FAM193A: variants seen among roughly 807,000 people sequenced by gnomAD.
FAM193A encodes family with sequence similarity 193 member A.
Under a neutral mutation model 126.5 loss-of-function variants are expected in FAM193A, and 22 were observed. The ratio of observed to expected loss-of-function variants is 0.17; its 90% confidence interval spans 0.12 to 0.25. The LOEUF (loss-of-function observed/expected upper bound fraction) is 0.25, where lower values mean the gene tolerates loss of function less well. FAM193A is among the 10% of genes least tolerant of loss of function. FAM193A has a pLI of 1.00. For missense variants in FAM193A, 1,675 were observed against 1,672.8 expected (o/e 1.00, Z -0.02); for synonymous variants, 761 against 646.8 (o/e 1.18, Z -2.68).
chr4:2,621,400 C>T (rs1209629175), intron 2 of FAM193A, among the ~76,000 whole-genome samples: 1 of 152,182 alleles, frequency 6.6e-6, no homozygotes, highest in Non-Finnish European at 1.5e-5. Flanking sequence ...ATTCTACAGT[C>T]TACCAGAAGC....
intron 19 of FAM193A, among the ~76,000 whole-genome samples, chr4:2,711,943 T>C (rs929154422): frequency 1.3e-5 from 2 of 152,092 alleles, no homozygotes; most frequent in Non-Finnish European, 2.9e-5. Context: ...AAAGAAATTA[T>C]GTAATTTCCA....
chr4:2,690,371 A>G (rs562358184), intron 14 of FAM193A, among the ~76,000 whole-genome samples: 1 of 152,302 alleles, frequency 6.6e-6, no homozygotes, highest in South Asian at 2.1e-4. Flanking sequence ...AAGGATTTCT[A>G]GCTGTGTGAC....
At chr4:2,679,702 T>TAA in intron 13 of FAM193A, among the ~76,000 whole-genome samples, 1 of 152,028 alleles carries the variant, frequency 6.6e-6, no homozygotes, top group Non-Finnish European at 1.5e-5. Flanking sequence ...ACAGTGTCTT[T>TAA]GGCTTTGGTA....
At chr4:2,585,057 A>AGT (rs1740160510) in intron 1 of FAM193A, among the ~76,000 whole-genome samples, 1 of 152,210 alleles carries the variant, frequency 6.6e-6, no homozygotes, top group Non-Finnish European at 1.5e-5. Context: ...CAATATTTGA[A>AGT]AGATTTATTT....
intron 1 of FAM193A, among the ~76,000 whole-genome samples, chr4:2,576,871 A>C (rs1466866719): frequency 6.6e-6 from 1 of 152,208 alleles, no homozygotes; most frequent in Non-Finnish European, 1.5e-5. Flanking sequence ...TTTGGGCTTA[A>C]GGGGCTCATG....
At chr4:2,535,886 G>C (rs76964113), upstream of FAM193A, among the ~76,000 whole-genome samples, 28,779 of 152,088 alleles carry the variant, frequency 0.19, 3,589 homozygotes, top group Middle Eastern at 0.3. Flanking sequence ...GCGTGTCCCA[G>C]CCCCAGGCCC....
At chr4:2,710,169 T>G (rs1232159061) in intron 19 of FAM193A, among the ~76,000 whole-genome samples, 1 of 125,876 alleles carries the variant, frequency 7.9e-6, no homozygotes, top group Non-Finnish European at 1.7e-5. Flanking sequence ...TTGTTTTTTT[T>G]TTTTTTTCTT....
rs866043118 is a variant in FAM193A at position 2,713,274 on chromosome 4, C to T, written c.4373-2749C>T. ...TACAAAAGTTAGCCAGGCGTGGTGG[C>T]GCGCACCTGTAGTCCCAGCTACTCG... is the stretch of plus-strand genomic sequence containing the variant. On this transcript the variant is annotated intron_variant, in intron 19 of 20. Transcript: ENST00000637812. Among the ~76,000 whole-genome samples, 13 of 140,096 alleles carry T rather than the reference C, an allele frequency of 9.3e-5. 1 individual carries two copies. The highest frequency in any genetic ancestry group is 4.5e-3 in the Middle Eastern group (1 of 222). The allele number at this position is 140,096 out of a possible 152,430, so 91.9% of individuals were successfully genotyped here.
intron 1 of FAM193A, among the ~76,000 whole-genome samples, chr4:2,581,597 A>G (rs931772092): frequency 9.9e-5 from 15 of 151,606 alleles, no homozygotes; most frequent in Non-Finnish European, 1.6e-4. Context: ...TATGCTGGCA[A>G]TAAATTTCCT....
At chr4:2,721,749 T>G (rs1560616960) in intron 20 of FAM193A, among the ~76,000 whole-genome samples, 1 of 152,088 alleles carries the variant, frequency 6.6e-6, no homozygotes, top group Non-Finnish European at 1.5e-5. Flanking sequence ...CTAGCAAAAT[T>G]GAAGTTGTGC....
chr4:2,630,131 CAA>C lies in FAM193A; in HGVS notation c.804-789_804-788del, dbSNP rs34488841. On this transcript the variant is annotated intron_variant, in intron 4 of 20. Coordinates refer to ENST00000637812, the MANE Select transcript of FAM193A (RefSeq NM_001366318.2). Reference sequence around the variant, plus strand: ...TGGGCGACAGAGTGAGACTCCATCTCAAAAAAAAAAAAAAAATGTGGATTATC... The same window carrying C: ...TGGGCGACAGAGTGAGACTCCATCTCAAAAAAAAAAAAAATGTGGATTATC... Among the ~76,000 whole-genome samples, 77 of 107,980 alleles carry C rather than the reference CAA, an allele frequency of 7.1e-4. 1 individual carries two copies. The highest frequency in any genetic ancestry group is 1.3e-3 in the African/African-American group (39 of 31,018). The allele number at this position is 107,980 out of a possible 152,430, so 70.8% of individuals were successfully genotyped here.
intron 1 of FAM193A, among the ~76,000 whole-genome samples, chr4:2,559,001 A>G (rs948870626): frequency 2.6e-5 from 4 of 152,194 alleles, no homozygotes; most frequent in African/African-American, 9.6e-5. Context: ...CTCCATCTCA[A>G]ACAAAAACAG....
intron 1 of FAM193A, among the ~76,000 whole-genome samples, chr4:2,581,772 G>GC (rs1181437500): frequency 1.3e-5 from 2 of 152,014 alleles, no homozygotes; most frequent in Non-Finnish European, 2.9e-5. Flanking sequence ...TCCCGCCTCA[G>GC]CCTCCCAAGT....
intron 20 of FAM193A, among the ~76,000 whole-genome samples, chr4:2,727,323 TG>T (rs1720873827): frequency 6.6e-6 from 1 of 152,226 alleles, no homozygotes. Context: ...GTTCTCTCCC[TG>T]GCCCTCAAGA....
Position 2,728,895 on chromosome 4 carries a change from A to ATTTTTTTTTTTTTTTTTT in FAM193A, c.4455-2880_4455-2879insTTTTTTTTTTTTTTTTTT, listed in dbSNP as rs1491485597. 4.7e-5 allele frequency among the ~76,000 whole-genome samples: 5 copies of ATTTTTTTTTTTTTTTTTT among 105,710 alleles called. 1 individual carries two copies. Among genetic ancestry groups the ATTTTTTTTTTTTTTTTTT allele is most frequent in the African/African-American group, 4.7e-5 (1 of 21,288 alleles). The allele number at this position is 105,710 out of a possible 152,430, so 69.3% of individuals were successfully genotyped here. The stretch of plus-strand genomic sequence containing the variant: ...TAAGCAAATATGTTCCACCTCCAAA[A>ATTTTTTTTTTTTTTTTTT]CTTTTTTTTTTTTTTTTTTTTTTTT... On this transcript the variant is annotated intron_variant, in intron 20 of 20. Coordinates refer to ENST00000637812, the MANE Select transcript of FAM193A (RefSeq NM_001366318.2).
upstream of FAM193A, among the ~76,000 whole-genome samples, chr4:2,536,062 C>T (rs1023111418): frequency 6.6e-6 from 1 of 151,968 alleles, no homozygotes; most frequent in Non-Finnish European, 1.5e-5. Context: ...CCAAGGTCAC[C>T]GGGCGTTCCT....
intron 1 of FAM193A, among the ~76,000 whole-genome samples, chr4:2,591,032 A>AG (rs1344325691): frequency 6.6e-6 from 1 of 152,010 alleles, no homozygotes; most frequent in African/African-American, 2.4e-5. Flanking sequence ...CTCTCAAAAA[A>AG]AAAAAAAGAG....
chr4:2,608,019 A>G, intron 2 of FAM193A: 1 of 1,603,994 alleles, frequency 6.2e-7, no homozygotes, highest in Non-Finnish European at 8.5e-7. Flanking sequence ...GTGAATGTGC[A>G]CCACGCACTT....
At chr4:2,614,027 C>G (rs2108949612) in intron 2 of FAM193A, among the ~76,000 whole-genome samples, 1 of 152,276 alleles carries the variant, frequency 6.6e-6, no homozygotes, top group African/African-American at 2.4e-5. Flanking sequence ...TGTGCGTCGG[C>G]CTCCCAAAGT....
Sources: allele counts gnomAD v4.1 joint callset (sites outside exome capture counted in the v4.1 genomes callset), GRCh38; gene constraint gnomAD v4.1.1; transcripts MANE v1.5; gene names NCBI Gene and HGNC (gene_info 2026-07-23, HGNC 2026-07-21).